BRINP3: variants seen among roughly 807,000 people sequenced by gnomAD.
The protein encoded by BRINP3 is BMP/retinoic acid-inducible neural-specific protein 3.
A neutral mutation model predicts 71.0 loss-of-function variants in BRINP3; 19 were observed. The ratio of observed to expected loss-of-function variants is 0.27; its 90% CI spans 0.19 to 0.39. BRINP3 has a LOEUF of 0.39. BRINP3 is among the 10% of genes least tolerant of loss of function. The pLI, the probability that BRINP3 is intolerant of heterozygous loss-of-function variation, is 1.00. For synonymous variants in BRINP3, 380 were observed against 337.7 expected, an observed-to-expected ratio of 1.13 and a Z score of -1.37; for missense variants, 959 against 940.8, an observed-to-expected ratio of 1.02 and a Z score of -0.25.
chr1:190,446,258 T>A (rs967984411), intron 2 of BRINP3, among the ~76,000 whole-genome samples: 6 of 152,076 alleles, frequency 3.9e-5, no homozygotes, highest in Non-Finnish European at 7.4e-5. Flanking sequence ...AACACATATA[T>A]TCAAATTATT....
At chr1:190,351,293 G>T (rs759376325) in intron 2 of BRINP3, among the ~76,000 whole-genome samples, 1 of 152,100 alleles carries the variant, frequency 6.6e-6, no homozygotes, top group South Asian at 2.1e-4. Flanking sequence ...GGATACAGCA[G>T]GAAGAGTAAT....
chr1:190,419,699 A>C (rs1374414804), intron 2 of BRINP3, among the ~76,000 whole-genome samples: 1 of 151,682 alleles, frequency 6.6e-6, no homozygotes, highest in East Asian at 1.9e-4. Flanking sequence ...ATACACACAC[A>C]CACACACACA....
At chr1:190,334,630 A>T (rs931852189) in intron 2 of BRINP3, among the ~76,000 whole-genome samples, 1 of 151,868 alleles carries the variant, frequency 6.6e-6, no homozygotes, top group African/African-American at 2.4e-5. Flanking sequence ...TCTACCTAAG[A>T]GCACAATTAG....
chr1:190,221,190 C>T (rs990472594), intron 6 of BRINP3, among the ~76,000 whole-genome samples: 2 of 152,102 alleles, frequency 1.3e-5, no homozygotes, highest in African/African-American at 2.4e-5. Flanking sequence ...TACACTCCAG[C>T]CTAGGCGACA....
chr1:190,099,871 TC>T (rs1284047628), intron 7 of BRINP3, among the ~76,000 whole-genome samples: 1 of 152,242 alleles, frequency 6.6e-6, no homozygotes. Context: ...ACATTTTTTT[TC>T]TCATCAGGTT....
intron 4 of BRINP3, among the ~76,000 whole-genome samples, chr1:190,249,683 C>T (rs531450848): frequency 3.6e-3 from 543 of 151,724 alleles, no homozygotes; most frequent in African/African-American, 0.013. Context: ...CAAATGTGAA[C>T]GCGTTTGAGA....
At chr1:190,444,071 A>G (rs1329034589) in intron 2 of BRINP3, among the ~76,000 whole-genome samples, 1 of 151,952 alleles carries the variant, frequency 6.6e-6, no homozygotes, top group African/African-American at 2.4e-5. Context: ...TGTCTCTACT[A>G]AAAGTACAAA....
At chr1:190,316,379 T>C (rs1299200658) in intron 2 of BRINP3, among the ~76,000 whole-genome samples, 2 of 152,096 alleles carry the variant, frequency 1.3e-5, no homozygotes, top group Non-Finnish European at 2.9e-5. Flanking sequence ...AGAGTCAGAA[T>C]TGAGCCAAAG....
intron 2 of BRINP3, among the ~76,000 whole-genome samples, chr1:190,423,524 G>A (rs1673512818): frequency 2.0e-5 from 3 of 151,698 alleles, no homozygotes; most frequent in South Asian, 4.2e-4. Flanking sequence ...AGCATACAAT[G>A]CCAAACATTA....
chr1:190,390,669 T>C (rs1052692109), intron 2 of BRINP3, among the ~76,000 whole-genome samples: 20 of 151,802 alleles, frequency 1.3e-4, no homozygotes, highest in African/African-American at 4.8e-4. Context: ...TCTGGCCCTG[T>C]TGTATTAGTA....
chr1:190,422,384 A>G (rs1375286341), intron 2 of BRINP3, among the ~76,000 whole-genome samples: 1 of 151,888 alleles, frequency 6.6e-6, no homozygotes, highest in East Asian at 1.9e-4. Context: ...CAGATTCTCT[A>G]TGAACCTCAG....
chr1:190,158,579 C>A (rs1449866223), intron 7 of BRINP3, among the ~76,000 whole-genome samples: 1 of 151,784 alleles, frequency 6.6e-6, no homozygotes, highest in Non-Finnish European at 1.5e-5. Flanking sequence ...ACCTATAAAA[C>A]AAATGTGTAC....
chr1:190,190,415 A>G (rs1653930581), intron 6 of BRINP3, among the ~76,000 whole-genome samples: 1 of 152,048 alleles, frequency 6.6e-6, no homozygotes, highest in Non-Finnish European at 1.5e-5. Context: ...ATACTTTCCT[A>G]CAACCAGGTA....
rs762651560 is a variant in BRINP3, at chr1:190,208,595, A to T, written c.961+17487T>A. Among the ~76,000 whole-genome samples the T allele has an allele frequency of 1.2e-4, 18 of 152,138 alleles. 1 individual carries two copies. The highest frequency in any genetic ancestry group is 1.4e-4 in the African/African-American group (6 of 41,540). ...GCAACAACCTCTGTCTCCCGGTTCAAGCGTTTCTTGATCCTCAGCTTCCCT... is the reference window on the plus strand; with the variant it reads ...GCAACAACCTCTGTCTCCCGGTTCATGCGTTTCTTGATCCTCAGCTTCCCT... On this transcript the variant is annotated intron_variant, in intron 6 of 7. Coordinates refer to ENST00000367462, the MANE Select transcript of BRINP3 (RefSeq NM_199051.3).
chr1:190,225,687 A>G lies in BRINP3; in HGVS notation c.961+395T>C, dbSNP rs112367939. On this transcript the variant is annotated intron_variant, in intron 6 of 7. Transcript: ENST00000367462. ...AGAAATAAGTGAAGTGAAAATAAGC[A>G]CTAATGAGAATCATGTTGAAAAAGG... Among the ~76,000 whole-genome samples the G allele has an allele frequency of 3.2e-3, 480 of 152,144 alleles. 4 individuals are homozygous for G. Among genetic ancestry groups the G allele is most frequent in the African/African-American group, 0.011 (453 of 41,562 alleles).
chr1:190,331,968 A>G (rs1478666523), intron 2 of BRINP3, among the ~76,000 whole-genome samples: 4 of 151,976 alleles, frequency 2.6e-5, no homozygotes, highest in Non-Finnish European at 4.4e-5. Flanking sequence ...GGTTGTTATT[A>G]TTATCTTTTC....
intron 2 of BRINP3, among the ~76,000 whole-genome samples, chr1:190,337,665 T>C (rs1313581881): frequency 6.6e-6 from 1 of 152,108 alleles, no homozygotes; most frequent in Non-Finnish European, 1.5e-5. Context: ...AAAACTGAGC[T>C]GTCAGCTTCC....
intron 2 of BRINP3, among the ~76,000 whole-genome samples, chr1:190,423,506 G>A (rs1246225572): frequency 6.6e-6 from 1 of 151,720 alleles, no homozygotes; most frequent in East Asian, 1.9e-4. Flanking sequence ...TAATACTATG[G>A]CACTGGCAGC....
Position 190,185,595 on chromosome 1 carries a change from T to C in BRINP3, c.962-24705A>G, listed in dbSNP as rs1335530838. 7.9e-5 allele frequency among the ~76,000 whole-genome samples: 12 copies of C among 152,174 alleles called. No individual in the cohort carries two copies. In the South Asian group the frequency reaches 8.3e-4, roughly 10 times the overall value. ...CCCACTTGACTCTAAGAAGTTATAA[T>C]TGCATAGATTACAAAGGTGCAAAAT... On this transcript the variant is annotated intron_variant, in intron 6 of 7. Transcript: ENST00000367462.
Sources: gnomAD v4.1 joint callset for allele counts (sites outside exome capture counted in the v4.1 genomes callset) on GRCh38, gnomAD v4.1.1 for gene constraint, MANE v1.5 for transcripts, NCBI Gene and HGNC (gene_info 2026-07-23, HGNC 2026-07-21) for gene names.